The following SYTL5 variants were observed in gnomAD, a reference collection of about 807,000 sequenced individuals.
SYTL5 encodes the protein synaptotagmin-like protein 5.
SYTL5 carries 34 observed loss-of-function variants against 55.9 expected under a neutral mutation model. The observed-to-expected ratio is 0.61, with a 90% CI of 0.46 to 0.81. The LOEUF is 0.81. SYTL5 is among the 30% of genes least tolerant of loss of function. SYTL5 has a pLI of 0.00. For synonymous variants in SYTL5, 221 were observed against 188.7 expected (o/e 1.17, Z -1.40); for missense variants, 637 against 546.7 (o/e 1.17, Z -1.65).
intron 11 of SYTL5, 47 bp from the exon 12 acceptor site, chrX:38,108,553 C>A (rs372023132): frequency 5.8e-5 from 56 of 967,514 alleles, no homozygotes; most frequent in Admixed American, 1.3e-4. Context: ...ACATTTCTTG[C>A]AAATAGATGT....
chrX:37,889,773 TA>T, the SYTL5 span, among the ~76,000 whole-genome samples: 601 of 100,232 alleles, frequency 6.0e-3, 7 homozygotes, highest in East Asian at 0.068. Context: ...TGAAAGAAAA[TA>T]AAAAAAAAAA....
At chrX:38,009,210 T>C (rs1195557621) in intron 1 of SYTL5, among the ~76,000 whole-genome samples, 1 of 112,338 alleles carries the variant, frequency 8.9e-6, no homozygotes, top group African/African-American at 3.2e-5. Context: ...ATTTAGCCTA[T>C]AACCTATTAC....
chrX:37,955,858 G>T, the SYTL5 span, among the ~76,000 whole-genome samples: 39,568 of 109,863 alleles, frequency 0.36, 5,187 homozygotes, highest in East Asian at 0.6. Flanking sequence ...GGCTTCTTAG[G>T]CATCACCACA....
At chrX:37,985,576 A>G in the SYTL5 span, among the ~76,000 whole-genome samples, 1 of 110,388 alleles carries the variant, frequency 9.1e-6, no homozygotes, top group African/African-American at 3.3e-5. Context: ...TAGAAGATTT[A>G]ATATTGTCAG....
upstream of SYTL5, among the ~76,000 whole-genome samples, chrX:38,004,373 CA>C (rs1198347052): frequency 9.0e-6 from 1 of 111,179 alleles, no homozygotes; most frequent in Non-Finnish European, 1.9e-5. Flanking sequence ...GTAGGTTCCT[CA>C]AAAAATTCAA....
chrX:37,966,927 C>T, the SYTL5 span, among the ~76,000 whole-genome samples: 1 of 111,802 alleles, frequency 8.9e-6, no homozygotes, highest in Non-Finnish European at 1.9e-5. Flanking sequence ...ATTTCAATTT[C>T]TGCATTTTTT....
chrX:38,005,799 C>T (rs1171040119), upstream of SYTL5, among the ~76,000 whole-genome samples: 4 of 111,756 alleles, frequency 3.6e-5, no homozygotes, highest in Admixed American at 1.9e-4. Flanking sequence ...CTCACGTTTT[C>T]GATTCTCCAG....
intron 1 of SYTL5, among the ~76,000 whole-genome samples, chrX:38,027,675 G>A (rs1043482549): frequency 8.9e-5 from 10 of 111,939 alleles, no homozygotes; most frequent in African/African-American, 2.6e-4. Flanking sequence ...TGTATAAAGT[G>A]CAGCAAGAAT....
the SYTL5 span, among the ~76,000 whole-genome samples, chrX:37,995,290 G>A: frequency 0.12 from 13,335 of 111,313 alleles, 796 homozygotes; most frequent in South Asian, 0.18. Context: ...ATCAGAGGGC[G>A]GTGGCCACAG....
At chrX:37,994,712 G>A in the SYTL5 span, 568 of 110,812 alleles carry the variant, frequency 5.1e-3, 4 homozygotes, top group African/African-American at 0.015. Flanking sequence ...AGGAGGAGAA[G>A]GAGGAGGAGA....
chrX:38,092,851 A>C (rs1006479385), intron 7 of SYTL5, among the ~76,000 whole-genome samples: 13 of 111,956 alleles, frequency 1.2e-4, no homozygotes, highest in Non-Finnish European at 2.4e-4. Flanking sequence ...CAACCTATTA[A>C]TTTTAGGCTT....
chrX:37,985,544 A>G, the SYTL5 span, among the ~76,000 whole-genome samples: 1 of 110,761 alleles, frequency 9.0e-6, no homozygotes, highest in African/African-American at 3.3e-5. Flanking sequence ...AATAAATGGA[A>G]AAACATATCA....
chrX:37,902,558 G>A, the SYTL5 span, among the ~76,000 whole-genome samples: 1 of 112,270 alleles, frequency 8.9e-6, no homozygotes, highest in Non-Finnish European at 1.9e-5. Context: ...AGCCGAGTAT[G>A]TCATTTTATG....
the SYTL5 span, among the ~76,000 whole-genome samples, chrX:37,947,020 G>A: frequency 4.9e-4 from 54 of 110,696 alleles, no homozygotes; most frequent in African/African-American, 1.7e-3. Context: ...TCACCTCATT[G>A]CCTTACTCTC....
chrX:37,944,540 A>G, the SYTL5 span, among the ~76,000 whole-genome samples: 2 of 111,577 alleles, frequency 1.8e-5, no homozygotes, highest in African/African-American at 6.5e-5. Context: ...ACTTGTGGAG[A>G]TGAGTCCCCT....
chrX:38,073,807 G>A, intron 5 of SYTL5, 109 bp downstream of exon 5: 1 of 449,997 alleles, frequency 2.2e-6, no homozygotes, highest in Non-Finnish European at 3.7e-6. Context: ...CCCAGAGGAG[G>A]TCAGAGACTC....
the SYTL5 span, among the ~76,000 whole-genome samples, chrX:37,914,646 C>T: frequency 2.7e-5 from 3 of 111,565 alleles, no homozygotes; most frequent in Non-Finnish European, 5.6e-5. Flanking sequence ...TGTTCTGGGT[C>T]TTGAATGCGG....
At chrX:37,980,157 C>T in the SYTL5 span, among the ~76,000 whole-genome samples, 20,062 of 111,485 alleles carry the variant, frequency 0.18, 1,752 homozygotes, top group Non-Finnish European at 0.26. Flanking sequence ...AAAATTCTTT[C>T]AACTTGACTT....
chrX:37,934,997 T>C, the SYTL5 span, among the ~76,000 whole-genome samples: 1 of 111,969 alleles, frequency 8.9e-6, no homozygotes. Flanking sequence ...AATCTACACA[T>C]TCGAGAATCC....
Sources: allele counts gnomAD v4.1 joint callset (sites outside exome capture counted in the v4.1 genomes callset), GRCh38; gene constraint gnomAD v4.1.1; transcripts MANE v1.5; gene names NCBI Gene and HGNC (gene_info 2026-07-23, HGNC 2026-07-21).